Variants in RCAN2 observed in about 807,000 individuals in gnomAD.
RCAN2 encodes the protein regulator of calcineurin 2.
In RCAN2, 9 loss-of-function variants were observed where a neutral mutation model predicts 23.6. The ratio of observed to expected loss-of-function variants is 0.38; its 90% CI spans 0.23 to 0.67. The LOEUF is 0.67. RCAN2 is among the 30% of genes least tolerant of loss of function. The pLI, the probability that RCAN2 is intolerant of heterozygous loss-of-function variation, is 0.51. For synonymous variants in RCAN2, 109 were observed against 115.7 expected, an observed-to-expected ratio of 0.94 and a Z score of 0.37; for missense variants, 273 against 302.3, an observed-to-expected ratio of 0.90 and a Z score of 0.72.
At chr6:46,449,086 C>G (rs2150427656) in intron 2 of RCAN2, among the ~76,000 whole-genome samples, 1 of 151,954 alleles carries the variant, frequency 6.6e-6, no homozygotes, top group East Asian at 1.9e-4. Flanking sequence ...ACCCTCAACA[C>G]TCCATCAAAC....
intron 1 of RCAN2, among the ~76,000 whole-genome samples, chr6:46,479,816 C>T (rs1448831342): frequency 6.6e-6 from 1 of 152,098 alleles, no homozygotes; most frequent in African/African-American, 2.4e-5. Context: ...CTCCTAACCT[C>T]ATGATCTGCC....
intron 2 of RCAN2, among the ~76,000 whole-genome samples, chr6:46,437,488 T>A (rs936433932): frequency 6.6e-6 from 1 of 152,198 alleles, no homozygotes. Context: ...ACAAACCAAA[T>A]GTACATTGAG....
intron 2 of RCAN2, among the ~76,000 whole-genome samples, chr6:46,271,232 T>C (rs764738715): frequency 6.6e-6 from 1 of 152,158 alleles, no homozygotes; most frequent in Non-Finnish European, 1.5e-5. Context: ...TTATGGAGGC[T>C]TGACAGGGCT....
rs150417953 is a variant in RCAN2, at chr6:46,245,972, G to A, written c.571+776C>T. Among the ~76,000 whole-genome samples the A allele has an allele frequency of 4.0e-3, 615 of 152,252 alleles. 3 individuals are homozygous for A. The highest frequency in any genetic ancestry group is 0.022 in the South Asian group (104 of 4,818). ...AACACAGAAAAAAATACTTTGGGGC[G>A]CAAGGTGTCATCATCTGCTGAAATT... On this transcript the variant is annotated intron_variant, in intron 4 of 4. Coordinates refer to ENST00000371374, the MANE Select transcript of RCAN2 (RefSeq NM_001251974.2).
intron 1 of RCAN2, among the ~76,000 whole-genome samples, chr6:46,465,414 G>A (rs974940745): frequency 2.6e-5 from 4 of 152,078 alleles, no homozygotes; most frequent in Non-Finnish European, 5.9e-5. Context: ...TATAACAAAG[G>A]GACTATTTAC....
chr6:46,455,950 T>C (rs372041828), intron 2 of RCAN2, among the ~76,000 whole-genome samples: 1 of 151,160 alleles, frequency 6.6e-6, no homozygotes, highest in African/African-American at 2.4e-5. Flanking sequence ...AGTAGTATAA[T>C]AGTGGCTTTT....
chr6:46,247,521 G>T (rs1158216063), intron 3 of RCAN2, among the ~76,000 whole-genome samples: 1 of 152,120 alleles, frequency 6.6e-6, no homozygotes. Context: ...TCTCCCACTG[G>T]TCACTGGCAA....
chr6:46,270,269 C>G (rs1233142089), intron 2 of RCAN2, among the ~76,000 whole-genome samples: 1 of 152,154 alleles, frequency 6.6e-6, no homozygotes, highest in Non-Finnish European at 1.5e-5. Flanking sequence ...GAGAGAAGCG[C>G]TGACTCTGAG....
intron 2 of RCAN2, among the ~76,000 whole-genome samples, chr6:46,346,385 G>GCCAA (rs1764481718): frequency 6.6e-6 from 1 of 152,110 alleles, no homozygotes; most frequent in Admixed American, 6.5e-5. Flanking sequence ...TAATCCTGAT[G>GCCAA]CCAAAATTTG....
chr6:46,221,133 T>C lies in RCAN2; in HGVS notation c.*2008A>G, dbSNP rs578216699. ...TTTCTTTTATGACTACACAGAATGG[T>C]CATTTCAACTTTTACTAAGTTGTTA... On this transcript the variant is annotated 3_prime_UTR_variant, in exon 5 of 5. Coordinates refer to ENST00000371374, the MANE Select transcript of RCAN2 (RefSeq NM_001251974.2). 4 of 152,494 alleles carry C rather than the reference T, an allele frequency of 2.6e-5. No individual in the cohort carries two copies. The highest frequency in any genetic ancestry group is 2.6e-4 in the Admixed American group (4 of 15,298). The allele number at this position is 152,494 out of a possible 1,614,324, so 9.4% of individuals were successfully genotyped here.
rs571998109 is a variant in RCAN2 at position 46,228,026 on chromosome 6, T to G, written c.572-4725A>C. On this transcript the variant is annotated intron_variant, in intron 4 of 4. Transcript: ENST00000371374. The stretch of plus-strand genomic sequence containing the variant: ...CATCTTTGTTTCTGCCTTCATTTCC[T>G]TATGTACCCAGTAATCATTCAGGAG... 2.0e-5 allele frequency among the ~76,000 whole-genome samples: 3 copies of G among 152,348 alleles called. 1 individual carries two copies. In the South Asian group the frequency reaches 6.2e-4, roughly 32 times the overall value.
intron 1 of RCAN2, among the ~76,000 whole-genome samples, chr6:46,482,592 A>AT (rs1768893673): frequency 6.6e-6 from 1 of 152,198 alleles, no homozygotes; most frequent in Non-Finnish European, 1.5e-5. Flanking sequence ...TTTCTTTCCT[A>AT]AAAGATATGC....
At chr6:46,488,221 C>T (rs541942682) in intron 1 of RCAN2, among the ~76,000 whole-genome samples, 131 of 152,324 alleles carry the variant, frequency 8.6e-4, no homozygotes, top group African/African-American at 3.1e-3. Flanking sequence ...GGCTTCAATT[C>T]TAGGTGCACG....
Position 46,375,335 on chromosome 6 carries a change from C to T in RCAN2, c.225+81417G>A, listed in dbSNP as rs77657646. ...AAAGCTAGTTGAGAAATATTCTCCC[C>T]ACATTTATCACTTATGCTTGGCCTC... On this transcript the variant is annotated intron_variant, in intron 2 of 4. Transcript: ENST00000371374. 2.4e-3 allele frequency among the ~76,000 whole-genome samples: 359 copies of T among 152,230 alleles called. 13 individuals carry two copies. The East Asian group carries it at 0.063, about 27-fold the overall frequency.
At chr6:46,452,215 C>G (rs905768777) in intron 2 of RCAN2, among the ~76,000 whole-genome samples, 1 of 152,236 alleles carries the variant, frequency 6.6e-6, no homozygotes, top group African/African-American at 2.4e-5. Context: ...AGATTTGAAT[C>G]CTGCCTTGGC....
intron 2 of RCAN2, among the ~76,000 whole-genome samples, chr6:46,313,390 C>G (rs1763327533): frequency 6.6e-6 from 1 of 152,244 alleles, no homozygotes; most frequent in Non-Finnish European, 1.5e-5. Context: ...CTACTACACA[C>G]TGAGTGCTCC....
intron 2 of RCAN2, among the ~76,000 whole-genome samples, chr6:46,356,584 G>A (rs907427021): frequency 1.3e-5 from 2 of 152,206 alleles, no homozygotes; most frequent in African/African-American, 4.8e-5. Flanking sequence ...GTGTGGTCAG[G>A]GCAGAGGCTT....
At chr6:46,272,707 T>G (rs1458120195) in intron 2 of RCAN2, among the ~76,000 whole-genome samples, 1 of 152,234 alleles carries the variant, frequency 6.6e-6, no homozygotes, top group Non-Finnish European at 1.5e-5. Context: ...CATGTAATGT[T>G]TAATTGGAAA....
At position 46,329,875 on chromosome 6, in the gene RCAN2, G is replaced by C. The variant is rs150347810; in HGVS notation, c.226-80979C>G. Reference sequence around the variant, plus strand: ...GTTCAGGCAATTCTCTAAAAGGATGGACAGCTGAGCTGATACACTCACCTC... The same window carrying C: ...GTTCAGGCAATTCTCTAAAAGGATGCACAGCTGAGCTGATACACTCACCTC... On this transcript the variant is annotated intron_variant, in intron 2 of 4. Transcript: ENST00000371374. Among the ~76,000 whole-genome samples the C allele has an allele frequency of 8.6e-3, 1,307 of 152,292 alleles. 20 individuals are homozygous for C. Among genetic ancestry groups the C allele is most frequent in the African/African-American group, 0.03 (1,226 of 41,556 alleles).
Sources: allele counts gnomAD v4.1 joint callset (sites outside exome capture counted in the v4.1 genomes callset), GRCh38; gene constraint gnomAD v4.1.1; transcripts MANE v1.5; gene names NCBI Gene and HGNC (gene_info 2026-07-23, HGNC 2026-07-21).